The following THSD7B variants were observed in gnomAD, a reference collection of about 807,000 sequenced individuals.
THSD7B encodes thrombospondin type 1 domain containing 7B, also known as thrombospondin type-1 domain-containing protein 7B.
THSD7B carries 138 observed loss-of-function variants against 213.6 expected under a neutral mutation model. The observed-to-expected ratio is 0.65, with a 90% CI of 0.56 to 0.74. THSD7B has a LOEUF of 0.74. Among genes scored for constraint, THSD7B ranks in the 30% least tolerant of loss-of-function variants. The pLI is 0.00. For missense variants in THSD7B, 1,931 were observed against 1,991.5 expected (o/e 0.97, Z 0.58); for synonymous variants, 742 against 687.0 (o/e 1.08, Z -1.25).
At chr2:137,412,613 A>AAC (rs1686687809) in intron 14 of THSD7B, among the ~76,000 whole-genome samples, 5 of 148,652 alleles carry the variant, frequency 3.4e-5, no homozygotes, top group Admixed American at 6.7e-5. Context: ...AAAAAAAACA[A>AAC]AAAAAAACAA....
intron 7 of THSD7B, among the ~76,000 whole-genome samples, chr2:137,214,021 TAATG>T (rs1478259179): frequency 6.6e-6 from 1 of 152,132 alleles, no homozygotes; most frequent in African/African-American, 2.4e-5. Flanking sequence ...TTAATAATAA[TAATG>T]GTAATAAATT....
At chr2:137,529,518 C>T (rs1573687605) in intron 15 of THSD7B, among the ~76,000 whole-genome samples, 1 of 151,318 alleles carries the variant, frequency 6.6e-6, no homozygotes, top group African/African-American at 2.4e-5. Context: ...AATAAGCAAA[C>T]ATTAGAGTTA....
intron 7 of THSD7B, among the ~76,000 whole-genome samples, chr2:137,174,536 C>G (rs1680322849): frequency 6.6e-6 from 1 of 152,184 alleles, no homozygotes. Context: ...GAGTAGTCAT[C>G]TCTAATTCCT....
At chr2:136,869,239 T>C (rs1369107283) in intron 1 of THSD7B, among the ~76,000 whole-genome samples, 2 of 152,172 alleles carry the variant, frequency 1.3e-5, no homozygotes, top group African/African-American at 4.8e-5. Context: ...TACCGTAGGG[T>C]TGCGTAACTT....
intron 12 of THSD7B, 110 bp from the exon 13 acceptor site, chr2:137,405,503 T>C: frequency 2.9e-6 from 3 of 1,034,774 alleles, no homozygotes; most frequent in Non-Finnish European, 4.1e-6. Context: ...TTTGCACCAT[T>C]TGTGAAGCCC....
chr2:137,491,630 T>C (rs1688607445), intron 15 of THSD7B, among the ~76,000 whole-genome samples: 1 of 152,210 alleles, frequency 6.6e-6, no homozygotes, highest in African/African-American at 2.4e-5. Context: ...TGTTGACAAA[T>C]GTCTTCATAC....
chr2:137,044,702 C>T (rs1296722730), intron 2 of THSD7B, among the ~76,000 whole-genome samples: 1 of 152,112 alleles, frequency 6.6e-6, no homozygotes, highest in African/African-American at 2.4e-5. Context: ...CCCTCTTTTT[C>T]TCTCTCTCAG....
Position 136,830,232 on chromosome 2 carries a change from C to T in THSD7B, c.-35-51912C>T, listed in dbSNP as rs190200331. Among the ~76,000 whole-genome samples, 12 of 152,060 alleles carry T rather than the reference C, an allele frequency of 7.9e-5. No homozygotes were observed. In the East Asian group the frequency reaches 1.2e-3, roughly 15 times the overall value. On this transcript the variant is annotated intron_variant, in intron 1 of 27. Coordinates refer to ENST00000409968, the MANE Select transcript of THSD7B (RefSeq NM_001316349.2). ...AAAATCAGAGTCTCAGTAGCAGATC[C>T]GTAATCAAGGGTGCAGATGTTTGGC...
intron 15 of THSD7B, among the ~76,000 whole-genome samples, chr2:137,515,326 A>C (rs1265432194): frequency 6.6e-6 from 1 of 152,114 alleles, no homozygotes; most frequent in Non-Finnish European, 1.5e-5. Context: ...CCTTTGTCTG[A>C]AGTGATAAAC....
chr2:137,314,996 A>C (rs1484891460), intron 12 of THSD7B, among the ~76,000 whole-genome samples: 2 of 152,236 alleles, frequency 1.3e-5, no homozygotes, highest in African/African-American at 2.4e-5. Flanking sequence ...TGGAGCCTAC[A>C]GAGGCAGGCA....
At position 137,382,092 on chromosome 2, in the gene THSD7B, G is replaced by A. The variant is rs558608522; in HGVS notation, c.2501-23521G>A. Among the ~76,000 whole-genome samples the A allele has an allele frequency of 4.6e-5, 7 of 152,240 alleles. 1 individual carries two copies. The highest frequency in any genetic ancestry group is 1.7e-4 in the African/African-American group (7 of 41,544). On this transcript the variant is annotated intron_variant, in intron 12 of 27. Transcript: ENST00000409968. ...GATGGACCACTTGACGATTGAATTG[G>A]GACAGTACCACTACGTGGTGGACTT...
chr2:137,609,915 G>C (rs923460893), intron 17 of THSD7B, among the ~76,000 whole-genome samples: 8 of 152,110 alleles, frequency 5.3e-5, no homozygotes, highest in Non-Finnish European at 1.2e-4. Context: ...TTTGAAGATG[G>C]AGCTGAAAGG....
intron 15 of THSD7B, among the ~76,000 whole-genome samples, chr2:137,537,646 A>G (rs1680531590): frequency 2.0e-5 from 3 of 151,702 alleles, no homozygotes; most frequent in Admixed American, 1.3e-4. Context: ...TATTCTGTTC[A>G]TTAAGATTTG....
At chr2:136,918,380 T>A (rs1205533493) in intron 2 of THSD7B, among the ~76,000 whole-genome samples, 1 of 152,212 alleles carries the variant, frequency 6.6e-6, no homozygotes, top group Non-Finnish European at 1.5e-5. Flanking sequence ...GGAAAACTAG[T>A]GGAGAACTCA....
At chr2:136,791,252 C>G (rs1328096214) in intron 1 of THSD7B, among the ~76,000 whole-genome samples, 1 of 151,992 alleles carries the variant, frequency 6.6e-6, no homozygotes, top group South Asian at 2.1e-4. Flanking sequence ...GTAGTCAGTG[C>G]TCTTGGGCAA....
intron 1 of THSD7B, among the ~76,000 whole-genome samples, chr2:136,789,441 T>C (rs545441945): frequency 6.6e-6 from 1 of 152,234 alleles, no homozygotes; most frequent in African/African-American, 2.4e-5. Flanking sequence ...ATCAGGGTAA[T>C]TGGCATATCT....
chr2:137,324,761 G>C (rs547433374), intron 12 of THSD7B, among the ~76,000 whole-genome samples: 2 of 152,116 alleles, frequency 1.3e-5, no homozygotes, highest in Non-Finnish European at 2.9e-5. Flanking sequence ...CAAATCAAGG[G>C]TATAAAAACA....
intron 15 of THSD7B, among the ~76,000 whole-genome samples, chr2:137,462,405 C>G (rs1434704291): frequency 1.3e-5 from 2 of 152,062 alleles, no homozygotes; most frequent in African/African-American, 4.8e-5. Context: ...GCTGTGTGGG[C>G]TCTAGACTAA....
intron 3 of THSD7B, among the ~76,000 whole-genome samples, chr2:137,084,410 A>T (rs1282409174): frequency 6.6e-6 from 1 of 152,192 alleles, no homozygotes; most frequent in Non-Finnish European, 1.5e-5. Context: ...GCTCTTCTTC[A>T]GTTGGAAGAT....
Sources: gnomAD v4.1 joint callset for allele counts (sites outside exome capture counted in the v4.1 genomes callset) on GRCh38, gnomAD v4.1.1 for gene constraint, MANE v1.5 for transcripts, NCBI Gene and HGNC (gene_info 2026-07-23, HGNC 2026-07-21) for gene names.